The following NLRP4 variants were observed in gnomAD, a reference collection of about 807,000 sequenced individuals.
The protein encoded by NLRP4 is NACHT, LRR and PYD domains-containing protein 4.
NLRP4 carries 44 observed loss-of-function variants against 84.7 expected under a neutral mutation model. The ratio of observed to expected loss-of-function variants is 0.52; its 90% CI spans 0.41 to 0.67. The LOEUF is 0.67. Among genes scored for constraint, NLRP4 ranks in the 30% least tolerant of loss-of-function variants. The pLI is 0.00. For synonymous variants in NLRP4, 544 were observed against 476.4 expected, an observed-to-expected ratio of 1.14 and a Z score of -1.85; for missense variants, 1,260 against 1,219.4, an observed-to-expected ratio of 1.03 and a Z score of -0.50.
intron 7 of NLRP4, among the ~76,000 whole-genome samples, chr19:55,876,331 CA>C (rs1985370595): frequency 6.6e-6 from 1 of 152,090 alleles, no homozygotes; most frequent in Non-Finnish European, 1.5e-5. Context: ...TGTAGATGCT[CA>C]AGTTCCTAAT....
chr19:55,856,743 T>G lies in NLRP4; in HGVS notation c.281-931T>G, dbSNP rs1984444313. On this transcript the variant is annotated intron_variant, in intron 2 of 9. Coordinates refer to ENST00000301295, the MANE Select transcript of NLRP4 (RefSeq NM_134444.5). ...GTTGGCCAGGATGGTCTTGATCTCT[T>G]GACTTCATGATCTGCCCACCTTGGC... 2.6e-5 allele frequency among the ~76,000 whole-genome samples: 4 copies of G among 152,180 alleles called. No homozygotes were observed. In the South Asian group the frequency reaches 8.3e-4, roughly 32 times the overall value.
rs775403607 is a variant in NLRP4 at position 55,852,181 on chromosome 19, CTT to C, written c.103_104del (p.Leu35AlafsTer3). ...TTTAAAGAACATCTCAAGCAAATGA[CTT>C]TGCAGCTTGAACTCAAGCAGATTCC... On this transcript the variant is annotated frameshift_variant, in exon 2 of 10. Transcript: ENST00000301295. LOFTEE classifies it high-confidence loss of function. The C allele has an allele frequency of 1.2e-5, 19 of 1,608,472 alleles. No homozygotes were observed. Among genetic ancestry groups the C allele is most frequent in the Admixed American group, 3.4e-5 (2 of 58,630 alleles).
intron 3 of NLRP4, 67 bp downstream of exon 3, chr19:55,859,316 G>A (rs995261846): frequency 1.5e-6 from 2 of 1,337,952 alleles, no homozygotes; most frequent in African/African-American, 2.9e-5. Flanking sequence ...GGGTTTTGCT[G>A]AGGGAGTGTT....
At position 55,876,802 on chromosome 19, in the gene NLRP4, AGTGTTGC is replaced by A. The variant is rs1985390034; in HGVS notation, c.2526-188_2526-182del. On this transcript the variant is annotated intron_variant, in intron 7 of 9. Transcript: ENST00000301295. Reference sequence around the variant, plus strand: ...ATTGGTTTTTTCGTTTGTATTTTTTAGTGTTGCGTGTTATGTGTTATTGTTTTAATTC... The same window carrying A: ...ATTGGTTTTTTCGTTTGTATTTTTTAGTGTTATGTGTTATTGTTTTAATTC... Among the ~76,000 whole-genome samples the A allele has an allele frequency of 2.0e-5, 3 of 152,174 alleles. No homozygotes were observed. The South Asian group carries it at 6.2e-4, about 32-fold the overall frequency.
intron 2 of NLRP4, among the ~76,000 whole-genome samples, chr19:55,855,023 C>T (rs1984356598): frequency 6.6e-6 from 1 of 152,166 alleles, no homozygotes; most frequent in Non-Finnish European, 1.5e-5. Context: ...CACACCTGGC[C>T]ACCCAGTCCA....
chr19:55,839,434 G>T (rs968782062), intron 1 of NLRP4, among the ~76,000 whole-genome samples: 12 of 149,878 alleles, frequency 8.0e-5, no homozygotes, highest in African/African-American at 2.7e-4. Context: ...GACATAATTT[G>T]CTGATGAAGA....
intron 7 of NLRP4, among the ~76,000 whole-genome samples, chr19:55,876,383 T>C (rs1043663100): frequency 6.6e-6 from 1 of 152,130 alleles, no homozygotes; most frequent in South Asian, 2.1e-4. Flanking sequence ...GTCTCTCACT[T>C]TGTCGCCCAG....
chr19:55,849,505 T>C lies in NLRP4; in HGVS notation c.-65-2511T>C, dbSNP rs1600222108. On this transcript the variant is annotated intron_variant, in intron 1 of 9. Transcript: ENST00000301295. ...AAGGTCCAGCAGAGTCCCTTCCTGA[T>C]GAAGACTTTCTGGATTGTACACAGC... Among the ~76,000 whole-genome samples the C allele has an allele frequency of 6.6e-5, 10 of 152,304 alleles. No homozygotes were observed. In the South Asian group the frequency reaches 2.1e-3, roughly 32 times the overall value.
chr19:55,881,657 A>C lies in NLRP4; in HGVS notation c.*70A>C, dbSNP rs1985598306. 5.5e-6 allele frequency: 4 copies of C among 729,908 alleles called. No homozygotes were observed. The East Asian group carries it at 1.0e-4, about 19-fold the overall frequency. The allele number at this position is 729,908 out of a possible 1,614,324, so 45.2% of individuals were successfully genotyped here. A position where few individuals can be genotyped will look rare whatever the true frequency, so the allele number is the denominator to read the frequency against. On this transcript the variant is annotated 3_prime_UTR_variant, in exon 10 of 10. Transcript: ENST00000301295. ...GGACTGGGACCGTTACTTACATGAC[A>C]CTGCACCCAGGAGATACAAATCATT...
chr19:55,858,222 A>G lies in NLRP4; in HGVS notation c.829A>G (p.Ile277Val). The change falls in exon 3 of 10, where the codon ATC (isoleucine) becomes GTC (valine). Residue 277 changes from isoleucine to valine, a missense_variant. By Grantham distance (29) the Ile-to-Val change is conservative. Transcript: ENST00000301295. This position sits in a 1 kb window ranked among gnomAD's most constrained non-coding sequence, Gnocchi z 4.2. ...KKMLPEASLL[I>V]AIKPVCPKEL... is the part of the protein sequence containing the mutation. ...GATGCTCCCGGAGGCCTCCCTGCTC[A>G]TCGCTATCAAACCCGTGTGCCCGAA... The G allele has an allele frequency of 6.2e-7, 1 of 1,614,160 alleles. No homozygotes were observed. The highest frequency in any genetic ancestry group is 8.5e-7 in the Non-Finnish European group (1 of 1,180,024).
chr19:55,850,767 T>TCCCGAGGCTGCGGTGTAATG (rs1568659302), intron 1 of NLRP4, among the ~76,000 whole-genome samples: 2 of 75,994 alleles, frequency 2.6e-5, no homozygotes, highest in Admixed American at 1.1e-4. Context: ...GCGGTGTAAT[T>TCCCGAGGCTGCGGTGTAATG]TCCGAGGCTG....
chr19:55,873,925 GC>G (rs1160395507), intron 7 of NLRP4, among the ~76,000 whole-genome samples: 1 of 151,920 alleles, frequency 6.6e-6, no homozygotes, highest in East Asian at 1.9e-4. Flanking sequence ...GAGCTGTAGT[GC>G]ATGTATATAT....
At chr19:55,853,399 T>C (rs1008243778) in intron 2 of NLRP4, among the ~76,000 whole-genome samples, 3 of 151,794 alleles carry the variant, frequency 2.0e-5, no homozygotes, top group African/African-American at 4.8e-5. Context: ...TACTGGACTT[T>C]CTTGTTTGTT....
chr19:55,863,635 AG>A (rs1984846404), intron 5 of NLRP4, among the ~76,000 whole-genome samples: 2 of 152,102 alleles, frequency 1.3e-5, no homozygotes, highest in African/African-American at 4.8e-5. Flanking sequence ...GTTCGACGTG[AG>A]GGTTGGGTGG....
chr19:55,856,150 C>T (rs571266588), intron 2 of NLRP4, among the ~76,000 whole-genome samples: 5 of 152,144 alleles, frequency 3.3e-5, no homozygotes, highest in Non-Finnish European at 5.9e-5. Flanking sequence ...TGTACCACCA[C>T]GCCCAGCTAA....
chr19:55,879,922 A>G (rs1163553730), intron 9 of NLRP4, among the ~76,000 whole-genome samples: 1 of 83,390 alleles, frequency 1.2e-5, no homozygotes, highest in Non-Finnish European at 2.7e-5. Flanking sequence ...ACATTTATAA[A>G]TAGAAACTTA....
chr19:55,872,249 G>C (rs1985214882), intron 7 of NLRP4, among the ~76,000 whole-genome samples: 1 of 152,070 alleles, frequency 6.6e-6, no homozygotes, highest in Non-Finnish European at 1.5e-5. Context: ...CCTTAAACTA[G>C]TACTGAACAG....
intron 5 of NLRP4, among the ~76,000 whole-genome samples, chr19:55,865,770 A>AT (rs1004214363): frequency 1.3e-5 from 2 of 151,736 alleles, no homozygotes; most frequent in African/African-American, 4.8e-5. Flanking sequence ...TTTTAATTGG[A>AT]TTTTTTGCCT....
intron 6 of NLRP4, among the ~76,000 whole-genome samples, chr19:55,868,397 G>T (rs1985045794): frequency 6.6e-6 from 1 of 152,030 alleles, no homozygotes; most frequent in Non-Finnish European, 1.5e-5. Flanking sequence ...AGACAGATGA[G>T]TAAGTGTTAA....
Sources: allele counts gnomAD v4.1 joint callset (sites outside exome capture counted in the v4.1 genomes callset), GRCh38; gene constraint gnomAD v4.1.1; non-coding constraint Gnocchi (gnomAD v3.1); transcripts MANE v1.5; gene names NCBI Gene and HGNC (gene_info 2026-07-23, HGNC 2026-07-21).